The following RGS8 variants were observed in gnomAD, a reference collection of about 807,000 sequenced individuals.
RGS8 encodes regulator of G-protein signaling 8.
Under a neutral mutation model 21.7 loss-of-function variants are expected in RGS8, and 8 were observed. That is an observed-to-expected ratio of 0.37 (90% CI 0.22 to 0.66). RGS8 has a LOEUF of 0.66. Among genes scored for constraint, RGS8 ranks in the 30% least tolerant of loss-of-function variants. RGS8 has a pLI of 0.59. For missense variants in RGS8, 157 were observed against 217.9 expected, an observed-to-expected ratio of 0.72 and a Z score of 1.76; for synonymous variants, 80 against 83.6, an observed-to-expected ratio of 0.96 and a Z score of 0.24.
the RGS8 span, among the ~76,000 whole-genome samples, chr1:182,715,999 A>G: frequency 3.3e-5 from 5 of 152,184 alleles, no homozygotes; most frequent in African/African-American, 9.7e-5. Context: ...AGTCCCTCAT[A>G]TAAAATGGCA....
At chr1:182,728,782 T>A in the RGS8 span, among the ~76,000 whole-genome samples, 1 of 152,096 alleles carries the variant, frequency 6.6e-6, no homozygotes, top group African/African-American at 2.4e-5. Flanking sequence ...CCTAAAGTAA[T>A]CAGTCAAAAA....
At chr1:182,717,736 T>G in the RGS8 span, among the ~76,000 whole-genome samples, 2 of 152,084 alleles carry the variant, frequency 1.3e-5, no homozygotes, top group Admixed American at 1.3e-4. Flanking sequence ...ATGATCTGCC[T>G]CCCCCATAAG....
chr1:182,682,418 A>G (rs1162508886), intron 1 of RGS8, among the ~76,000 whole-genome samples: 3 of 152,178 alleles, frequency 2.0e-5, no homozygotes, highest in Non-Finnish European at 4.4e-5. Flanking sequence ...ATACAAGGAC[A>G]GGTGCTTTCA....
chr1:182,711,623 A>G, the RGS8 span, among the ~76,000 whole-genome samples: 2 of 152,142 alleles, frequency 1.3e-5, no homozygotes, highest in African/African-American at 2.4e-5. Flanking sequence ...AGCCAGCATT[A>G]CCCCTGACTT....
At chr1:182,649,114 A>G (rs1399258417) in intron 5 of RGS8, among the ~76,000 whole-genome samples, 1 of 152,178 alleles carries the variant, frequency 6.6e-6, no homozygotes, top group African/African-American at 2.4e-5. Flanking sequence ...AAAAAAAAAT[A>G]GAGTCATAGT....
At chr1:182,675,709 T>G (rs1396592136), upstream of RGS8, among the ~76,000 whole-genome samples, 7 of 152,224 alleles carry the variant, frequency 4.6e-5, no homozygotes, top group East Asian at 1.4e-3. Flanking sequence ...CTAAAAATTC[T>G]CCTTTCCAAA....
chr1:182,664,672 A>G (rs534612888), intron 5 of RGS8, among the ~76,000 whole-genome samples: 2 of 152,340 alleles, frequency 1.3e-5, no homozygotes, highest in East Asian at 3.9e-4. Context: ...AATTCATCAC[A>G]TAAGCTTGCT....
chr1:182,653,470 C>A (rs1426533898), intron 5 of RGS8, among the ~76,000 whole-genome samples: 1 of 151,420 alleles, frequency 6.6e-6, no homozygotes, highest in Non-Finnish European at 1.5e-5. Flanking sequence ...CCGAGGAGAG[C>A]AGATTATGAG....
chr1:182,645,993 A>G (rs1401433148), downstream of RGS8: 1 of 152,232 alleles, frequency 6.6e-6, no homozygotes, highest in South Asian at 2.1e-4. Context: ...GAATTGAGGA[A>G]GATTTGCAAG....
chr1:182,706,228 G>C, the RGS8 span, among the ~76,000 whole-genome samples: 14 of 151,772 alleles, frequency 9.2e-5, no homozygotes, highest in Non-Finnish European at 1.9e-4. Context: ...CAAGTGATCT[G>C]TCTGCTCACT....
chr1:182,728,412 G>A, the RGS8 span, among the ~76,000 whole-genome samples: 13 of 152,156 alleles, frequency 8.5e-5, no homozygotes, highest in East Asian at 1.9e-3. Context: ...TGAACCTTTC[G>A]ATTCTAAAGA....
At chr1:182,648,520 G>C (rs1662815366) in intron 5 of RGS8, among the ~76,000 whole-genome samples, 1 of 152,064 alleles carries the variant, frequency 6.6e-6, no homozygotes. Context: ...GATCACCTGA[G>C]GTCATGAGTT....
chr1:182,747,280 C>G, the RGS8 span, among the ~76,000 whole-genome samples: 1 of 151,720 alleles, frequency 6.6e-6, no homozygotes, highest in Admixed American at 6.6e-5. Context: ...GTTATTTTGG[C>G]AGCTGTGAAA....
chr1:182,749,760 G>A, the RGS8 span, among the ~76,000 whole-genome samples: 1 of 152,124 alleles, frequency 6.6e-6, no homozygotes, highest in African/African-American at 2.4e-5. Flanking sequence ...GGATACGTGT[G>A]CAGAACATGC....
chr1:182,680,044 C>G (rs552839048), intron 1 of RGS8, among the ~76,000 whole-genome samples: 1 of 152,180 alleles, frequency 6.6e-6, no homozygotes, highest in Non-Finnish European at 1.5e-5. Context: ...ATCCTCGCTA[C>G]CACTGCTCTG....
the RGS8 span, among the ~76,000 whole-genome samples, chr1:182,696,629 C>T: frequency 1.7e-4 from 26 of 152,334 alleles, no homozygotes; most frequent in African/African-American, 5.5e-4. Flanking sequence ...GGATTATAGG[C>T]GTGAGCCACC....
At chr1:182,703,173 T>C in the RGS8 span, among the ~76,000 whole-genome samples, 1 of 152,194 alleles carries the variant, frequency 6.6e-6, no homozygotes, top group Admixed American at 6.5e-5. Context: ...AAAGATTCCT[T>C]ACCCTCTACA....
the RGS8 span, among the ~76,000 whole-genome samples, chr1:182,743,913 G>T: frequency 6.6e-6 from 1 of 152,022 alleles, no homozygotes; most frequent in African/African-American, 2.4e-5. Context: ...ATACTCTCTA[G>T]TTCCTTATCC....
chr1:182,722,875 G>A, the RGS8 span, among the ~76,000 whole-genome samples: 1 of 152,112 alleles, frequency 6.6e-6, no homozygotes, highest in African/African-American at 2.4e-5. Context: ...CTACTTGGGA[G>A]GCTGAGGCAG....
Sources: allele counts gnomAD v4.1 joint callset (sites outside exome capture counted in the v4.1 genomes callset), GRCh38; gene constraint gnomAD v4.1.1; transcripts MANE v1.5; gene names NCBI Gene and HGNC (gene_info 2026-07-23, HGNC 2026-07-21).